The following TMEM253 variants were observed in gnomAD, a reference collection of about 807,000 sequenced individuals.
TMEM253 encodes the protein transmembrane protein C14orf176.
A neutral mutation model predicts 20.3 loss-of-function variants in TMEM253; 22 were observed. That is an observed-to-expected ratio of 1.08 (90% CI 0.78 to 1.55). The LOEUF is 1.55. Ranked by LOEUF, TMEM253 falls within the 40% of genes most tolerant of loss-of-function variation. The pLI is 0.00. For synonymous variants in TMEM253, 92 were observed against 102.6 expected, an observed-to-expected ratio of 0.90 and a Z score of 0.62; for missense variants, 251 against 266.1, an observed-to-expected ratio of 0.94 and a Z score of 0.39.
chr14:21,102,123 G>A lies in TMEM253; in HGVS notation c.276+3G>A, dbSNP rs1889679508. 6.4e-7 allele frequency: 1 copy of A among 1,550,412 alleles called. No individual in the cohort carries two copies. The highest frequency in any genetic ancestry group is 2.0e-5 in the Admixed American group (1 of 50,844). On this transcript the variant is annotated splice_donor_region_variant and intron_variant, in intron 4 of 6. Transcript: ENST00000556585. Reference sequence around the variant, plus strand: ...GCAGAGCACCCCGCCTTTGGAAGGTGAGAGGGAAGAAAACGCAGCACTGTC... The same window carrying A: ...GCAGAGCACCCCGCCTTTGGAAGGTAAGAGGGAAGAAAACGCAGCACTGTC...
At position 21,101,848 on chromosome 14, in the gene TMEM253, C is replaced by A; in HGVS notation, c.109-17C>A. The A allele has an allele frequency of 6.5e-7, 1 of 1,548,176 alleles. No homozygotes were observed. The highest frequency in any genetic ancestry group is 1.2e-5 in the South Asian group (1 of 83,932). On this transcript the variant is annotated splice_polypyrimidine_tract_variant and intron_variant, in intron 2 of 6. Transcript: ENST00000556585. ...TCCCTGACAGTTCCTCCCCAATTACCCTACCCTTACCCCCAGGTGAGCCAG... is the reference window on the plus strand; with the variant it reads ...TCCCTGACAGTTCCTCCCCAATTACACTACCCTTACCCCCAGGTGAGCCAG...
chr14:21,102,537 G>A lies in TMEM253; in HGVS notation c.387+22G>A, dbSNP rs1211785010. The A allele has an allele frequency of 2.6e-6, 4 of 1,551,668 alleles. No homozygotes were observed. In the Admixed American group the frequency reaches 5.9e-5, roughly 23 times the overall value. On this transcript the variant is annotated intron_variant, in intron 5 of 6. Coordinates refer to ENST00000556585, the Ensembl canonical transcript of TMEM253. ...CCAGGTACTGGTCAATGAAGGAGAA[G>A]GTGGGAGGATAAGGAGGCAAGAGGA...
At chr14:21,098,979 T>C, upstream of TMEM253, 1 of 553,922 alleles carries the variant, frequency 1.8e-6, no homozygotes, top group African/African-American at 2.0e-5. Context: ...TAAGAAACAT[T>C]ATTAAAGTTA....
intron 2 of TMEM253, 23 bp from the exon 3 acceptor site, chr14:21,101,842 A>G (rs1343427739): frequency 6.5e-7 from 1 of 1,540,560 alleles, no homozygotes; most frequent in Non-Finnish European, 8.8e-7. Context: ...GTTCCTCCCC[A>G]ATTACCCTAC....
chr14:21,099,756 T>C (rs984212681), upstream of TMEM253, among the ~76,000 whole-genome samples: 1 of 152,216 alleles, frequency 6.6e-6, no homozygotes, highest in African/African-American at 2.4e-5. Context: ...GAGACTGGTA[T>C]TATTAACTTC....
At chr14:21,103,622 C>A in exon 7 of TMEM253, 1 of 210,134 alleles carries the variant, frequency 4.8e-6, no homozygotes, top group South Asian at 6.6e-5. Context: ...CCCCAGTTCC[C>A]CTTTCGATCC....
chr14:21,101,276 A>G, intron 1 of TMEM253, 32 bp from the exon 2 acceptor site: 1 of 1,431,452 alleles, frequency 7.0e-7, no homozygotes, highest in Non-Finnish European at 9.6e-7. Context: ...CCTGTCTCCT[A>G]ATAGACAGAA....
chr14:21,101,363 A>T, exon 2 of TMEM253: 1 of 1,551,646 alleles, frequency 6.4e-7, no homozygotes. Context: ...AGAGCTGGTG[A>T]GCAAGAGCAG....
chr14:21,102,035 G>A (rs913616778), intron 3 of TMEM253, 29 bp from the exon 4 acceptor site: 21 of 1,550,872 alleles, frequency 1.4e-5, no homozygotes, highest in African/African-American at 2.7e-5. Flanking sequence ...CGGGACCAGA[G>A]CTCAACACTT....
Position 21,101,872 on chromosome 14 carries a change from A to C in TMEM253, c.116A>C (p.Gln39Pro), listed in dbSNP as rs1041286570. Reference sequence around the variant, plus strand: ...CCCTACCCTTACCCCCAGGTGAGCCAGCTATGGCTGGCAGTGGTTGTGGTG... The same window carrying C: ...CCCTACCCTTACCCCCAGGTGAGCCCGCTATGGCTGGCAGTGGTTGTGGTG... Residue 39 changes from glutamine (Q) to proline (P), a missense_variant, in exon 3 of 7, where the codon CAG (glutamine) becomes CCG (proline). Physicochemically the swap from Gln to Pro is moderately conservative, Grantham distance 76. Transcript: ENST00000556585. 19 of 1,551,432 alleles carry C rather than the reference A, an allele frequency of 1.2e-5. No individual in the cohort carries two copies. The East Asian group carries it at 4.4e-4, about 36-fold the overall frequency.
chr14:21,099,142 G>T, upstream of TMEM253: 1 of 208,084 alleles, frequency 4.8e-6, no homozygotes. Context: ...GCGCTGTGAG[G>T]GATGAGAAAG....
At chr14:21,100,780 G>T (rs1453106843), upstream of TMEM253, among the ~76,000 whole-genome samples, 1 of 152,168 alleles carries the variant, frequency 6.6e-6, no homozygotes, top group Non-Finnish European at 1.5e-5. Context: ...CAGACAGAAA[G>T]TAGGATCTCT....
At position 21,101,889 on chromosome 14, in the gene TMEM253, GT is replaced by G; in HGVS notation, c.135del (p.Val46TrpfsTer11). 1 of 1,551,580 alleles carries G rather than the reference GT, an allele frequency of 6.4e-7. No individual in the cohort carries two copies. The highest frequency in any genetic ancestry group is 8.7e-7 in the Non-Finnish European group (1 of 1,146,994). On this transcript the variant is annotated frameshift_variant, in exon 3 of 7. Transcript: ENST00000556585. LOFTEE classifies it high-confidence loss of function. ...GGTGAGCCAGCTATGGCTGGCAGTG[GT>G]TGTGGTGCCCCTTGCTGTCTCAGTC...
At chr14:21,102,259 G>A in intron 4 of TMEM253, 139 bp downstream of exon 4, 2 of 1,407,294 alleles carry the variant, frequency 1.4e-6, no homozygotes, top group South Asian at 2.8e-5. Flanking sequence ...CACTGAGGAG[G>A]AAAGCAAAAA....
chr14:21,100,598 C>G (rs1250617117), upstream of TMEM253, among the ~76,000 whole-genome samples: 1 of 152,120 alleles, frequency 6.6e-6, no homozygotes, highest in Non-Finnish European at 1.5e-5. Flanking sequence ...AAACAATCCC[C>G]ACCATAAACA....
intron 4 of TMEM253, 74 bp from the exon 5 acceptor site, chr14:21,102,331 G>T: frequency 6.6e-7 from 1 of 1,517,154 alleles, no homozygotes; most frequent in South Asian, 1.2e-5. Context: ...TTTGTCTTCA[G>T]CTAGGCTGCA....
chr14:21,101,207 CA>C (rs1889603515), intron 1 of TMEM253, 23 bp downstream of exon 1: 2 of 802,296 alleles, frequency 2.5e-6, no homozygotes, highest in Middle Eastern at 2.5e-4. Context: ...ACCTGGACCT[CA>C]AATCCCTGGA....
In TMEM253 at chr14:21,102,781, T is replaced by C. The variant is rs1371304497; in HGVS notation, c.534+2T>C. 3.2e-6 allele frequency: 5 copies of C among 1,548,052 alleles called. No homozygotes were observed. The highest frequency in any genetic ancestry group is 2.0e-5 in the Admixed American group (1 of 50,942). ...CTGCACTATCAAGAGCTGCAGGAGGTATGGGGGCAGGGAAGAAAGCACGAA... is the reference window on the plus strand; with the variant it reads ...CTGCACTATCAAGAGCTGCAGGAGGCATGGGGGCAGGGAAGAAAGCACGAA... On this transcript the variant is annotated splice_donor_variant, in intron 6 of 6. Coordinates refer to ENST00000556585, the Ensembl canonical transcript of TMEM253. LOFTEE classifies it high-confidence loss of function.
chr14:21,099,207 T>C (rs904349297), upstream of TMEM253: 4 of 164,014 alleles, frequency 2.4e-5, no homozygotes, highest in South Asian at 1.3e-4. Flanking sequence ...TGGTAAGTAG[T>C]ATACTCAGAT....
Sources: allele counts gnomAD v4.1 joint callset (sites outside exome capture counted in the v4.1 genomes callset), GRCh38; gene constraint gnomAD v4.1.1; transcripts MANE v1.5; gene names NCBI Gene and HGNC (gene_info 2026-07-23, HGNC 2026-07-21).